HIVEP3: variants seen among roughly 807,000 people sequenced by gnomAD.
HIVEP3 encodes HIVEP zinc finger 3.
Under a neutral mutation model 152.8 loss-of-function variants are expected in HIVEP3, and 49 were observed. The ratio of observed to expected loss-of-function variants is 0.32; its 90% CI spans 0.26 to 0.41. The LOEUF is 0.41. Among genes scored for constraint, HIVEP3 ranks in the 10% least tolerant of loss-of-function variants. The probability of loss-of-function intolerance (pLI) is 1.00; values close to 1 mark genes in which losing one functional copy is unlikely to be tolerated. For missense variants in HIVEP3, 2,790 were observed against 3,103.3 expected (o/e 0.90, Z 2.40); for synonymous variants, 1,269 against 1,289.0 (o/e 0.98, Z 0.33).
intron 1 of HIVEP3, among the ~76,000 whole-genome samples, chr1:41,924,145 G>A (rs905033375): frequency 3.9e-5 from 6 of 152,272 alleles, no homozygotes; most frequent in East Asian, 1.9e-4. Flanking sequence ...CGTAGGAGAC[G>A]GGCTAGAGGG....
intron 3 of HIVEP3, among the ~76,000 whole-genome samples, chr1:41,625,199 C>T (rs995805350): frequency 7.2e-5 from 10 of 138,570 alleles, no homozygotes; most frequent in Non-Finnish European, 1.2e-4. Flanking sequence ...AAAAGAATTC[C>T]TTAATACTTT....
chr1:41,811,051 T>C (rs926928697), intron 1 of HIVEP3, among the ~76,000 whole-genome samples: 3 of 152,130 alleles, frequency 2.0e-5, no homozygotes, highest in African/African-American at 7.2e-5. Flanking sequence ...TGATTGTTTA[T>C]TGACCAGTTT....
chr1:41,647,544 T>G (rs7541348), intron 2 of HIVEP3, among the ~76,000 whole-genome samples: 91,129 of 152,092 alleles, frequency 0.6, 27,474 homozygotes, highest in African/African-American at 0.62. Flanking sequence ...CCTTCTCCAC[T>G]CTCCCCATCA....
intron 1 of HIVEP3, among the ~76,000 whole-genome samples, chr1:41,743,559 G>T (rs1404980666): frequency 6.6e-6 from 1 of 152,192 alleles, no homozygotes; most frequent in East Asian, 1.9e-4. Context: ...AGGAGATGGT[G>T]GGGGAACAGC....
At chr1:41,696,879 A>G (rs1395766733) in intron 2 of HIVEP3, among the ~76,000 whole-genome samples, 1 of 152,210 alleles carries the variant, frequency 6.6e-6, no homozygotes, top group Non-Finnish European at 1.5e-5. Context: ...CTCAATACAT[A>G]TGTATTACTT....
At chr1:41,925,948 G>A (rs1644966137) in intron 1 of HIVEP3, among the ~76,000 whole-genome samples, 1 of 152,154 alleles carries the variant, frequency 6.6e-6, no homozygotes, top group African/African-American at 2.4e-5. Context: ...GATGTGAAAT[G>A]TATAATTTCC....
chr1:41,947,407 A>G (rs1162143507), intron 1 of HIVEP3, among the ~76,000 whole-genome samples: 3 of 152,210 alleles, frequency 2.0e-5, no homozygotes, highest in Admixed American at 6.5e-5. Flanking sequence ...CTCAGTGAGG[A>G]CTGTATCCAG....
intron 1 of HIVEP3, among the ~76,000 whole-genome samples, chr1:41,857,665 G>C: frequency 6.6e-6 from 1 of 152,122 alleles, no homozygotes; most frequent in East Asian, 1.9e-4. Flanking sequence ...TTCACAACAT[G>C]ATGCCTATGA....
At chr1:41,710,935 T>C (rs757661164) in intron 1 of HIVEP3, among the ~76,000 whole-genome samples, 22 of 152,258 alleles carry the variant, frequency 1.4e-4, no homozygotes, top group Non-Finnish European at 2.5e-4. Context: ...CCATCGCTAC[T>C]CTCACTTTAC....
chr1:42,001,310 G>A (rs1041533659), intron 1 of HIVEP3, among the ~76,000 whole-genome samples: 3 of 152,212 alleles, frequency 2.0e-5, no homozygotes. Context: ...CCCCAACATT[G>A]TCTATGGAGG....
At chr1:41,801,935 G>C (rs894877418) in intron 1 of HIVEP3, among the ~76,000 whole-genome samples, 5 of 152,108 alleles carry the variant, frequency 3.3e-5, no homozygotes, top group Non-Finnish European at 5.9e-5. Context: ...GTCAAGGAGT[G>C]GGGGGCAGGG....
chr1:41,914,526 T>A (rs1382679447), intron 1 of HIVEP3, among the ~76,000 whole-genome samples: 3 of 152,236 alleles, frequency 2.0e-5, no homozygotes, highest in Non-Finnish European at 4.4e-5. Context: ...AATACTATTT[T>A]AAAAGGGTCT....
chr1:41,805,521 G>T (rs1364018241), intron 1 of HIVEP3, among the ~76,000 whole-genome samples: 1 of 152,228 alleles, frequency 6.6e-6, no homozygotes, highest in Non-Finnish European at 1.5e-5. Flanking sequence ...CCTTGGGCAA[G>T]CTGGGGGCTC....
intron 1 of HIVEP3, among the ~76,000 whole-genome samples, chr1:41,761,468 G>A (rs1647676801): frequency 2.0e-5 from 3 of 152,146 alleles, no homozygotes; most frequent in Admixed American, 2.0e-4. Context: ...GTGCATGGGT[G>A]TGAATGTGTA....
chr1:41,709,076 A>G (rs879748776), intron 1 of HIVEP3, among the ~76,000 whole-genome samples: 7 of 152,122 alleles, frequency 4.6e-5, no homozygotes, highest in Non-Finnish European at 1.0e-4. Context: ...TGCACCCCCT[A>G]CCACCACATG....
intron 1 of HIVEP3, among the ~76,000 whole-genome samples, chr1:41,728,011 A>T (rs1230668986): frequency 1.3e-5 from 2 of 152,190 alleles, no homozygotes; most frequent in African/African-American, 4.8e-5. Context: ...TGGGGAACAG[A>T]CAGGGAGAGT....
intron 1 of HIVEP3, among the ~76,000 whole-genome samples, chr1:41,939,169 T>C (rs752249084): frequency 2.0e-5 from 3 of 152,226 alleles, no homozygotes; most frequent in African/African-American, 4.8e-5. Flanking sequence ...TATTGTGATA[T>C]ATATTTTTAA....
At chr1:41,908,920 A>T (rs1267689711) in intron 1 of HIVEP3, among the ~76,000 whole-genome samples, 3 of 152,216 alleles carry the variant, frequency 2.0e-5, no homozygotes, top group Non-Finnish European at 4.4e-5. Context: ...TATCACATGG[A>T]TCCAGGAACT....
At chr1:41,534,858 A>G (rs1643359341) in intron 5 of HIVEP3, among the ~76,000 whole-genome samples, 1 of 152,172 alleles carries the variant, frequency 6.6e-6, no homozygotes, top group African/African-American at 2.4e-5. Context: ...CCACCTTCTG[A>G]GAGGAGTGAC....
Sources: allele counts gnomAD v4.1 joint callset (sites outside exome capture counted in the v4.1 genomes callset), GRCh38; gene constraint gnomAD v4.1.1; transcripts MANE v1.5; gene names NCBI Gene and HGNC (gene_info 2026-07-23, HGNC 2026-07-21).